ICA1L: variants seen among roughly 807,000 people sequenced by gnomAD.
ICA1L encodes islet cell autoantigen 1-like protein.
A neutral mutation model predicts 61.3 loss-of-function variants in ICA1L; 50 were observed. The observed-to-expected ratio is 0.82, with a 90% confidence interval of 0.65 to 1.03. The LOEUF is 1.03. ICA1L is among the 50% of genes least tolerant of loss of function. ICA1L has a pLI of 0.00. For synonymous variants in ICA1L, 161 were observed against 191.3 expected (o/e 0.84, Z 1.31); for missense variants, 508 against 556.7 (o/e 0.91, Z 0.88).
intron 1 of ICA1L, chr2:202,841,821 G>A (rs1407404637): frequency 9.5e-6 from 3 of 317,312 alleles, no homozygotes; most frequent in Non-Finnish European, 1.8e-5. Flanking sequence ...TGAACCAGAT[G>A]GAGATCCCAG....
At position 202,860,745 on chromosome 2, in the gene ICA1L, G is replaced by T. The variant is rs527728793; in HGVS notation, c.-8+10874C>A. ...GTAGCTTAGGCAAGGGAGAAAGACT[G>T]TGTCTCAAAAAAAAAGAAAAGAAAG... On this transcript the variant is annotated intron_variant, in intron 1 of 12. Coordinates refer to ENST00000358299, the MANE Select transcript of ICA1L (RefSeq NM_001288622.3). 2.0e-5 allele frequency among the ~76,000 whole-genome samples: 3 copies of T among 151,890 alleles called. No homozygotes were observed. The South Asian group carries it at 6.3e-4, about 32-fold the overall frequency.
chr2:202,841,013 C>T (rs753333556), intron 1 of ICA1L: 100 of 668,488 alleles, frequency 1.5e-4, no homozygotes, highest in Non-Finnish European at 2.4e-4. Context: ...TGATGCTGTC[C>T]ATGTCCAGGG....
rs1692231663 is a variant in ICA1L, at chr2:202,776,642, T to C, written c.*2891A>G. On this transcript the variant is annotated 3_prime_UTR_variant, in exon 13 of 13. Transcript: ENST00000358299. ...ATAACTAATCTTGAGAAAATACGAA[T>C]GTGGTTACCTTCATCTTAATATAGT... is the stretch of plus-strand genomic sequence containing the variant. The C allele has an allele frequency of 6.6e-6, 1 of 152,236 alleles. No individual in the cohort carries two copies. The highest frequency in any genetic ancestry group is 1.5e-5 in the Non-Finnish European group (1 of 68,052). 9.4% of individuals were successfully genotyped at this position (152,236 alleles called of 1,614,324 possible).
At chr2:202,861,479 AC>A (rs1694911006) in intron 1 of ICA1L, among the ~76,000 whole-genome samples, 1 of 151,598 alleles carries the variant, frequency 6.6e-6, no homozygotes, top group Non-Finnish European at 1.5e-5. Context: ...GCTCCCAAAT[AC>A]AAGAAAAAAA....
chr2:202,800,796 T>C (rs1240745630), intron 9 of ICA1L, among the ~76,000 whole-genome samples: 1 of 151,596 alleles, frequency 6.6e-6, no homozygotes, highest in Non-Finnish European at 1.5e-5. Flanking sequence ...TAAAAGAATA[T>C]GGGAAAAGTA....
intron 1 of ICA1L, among the ~76,000 whole-genome samples, chr2:202,847,703 A>ATATATG (rs1553537740): frequency 1.5e-5 from 2 of 131,234 alleles, no homozygotes; most frequent in Non-Finnish European, 1.6e-5. Context: ...AATTATATAT[A>ATATATG]TATATAGTTA....
intron 9 of ICA1L, among the ~76,000 whole-genome samples, chr2:202,807,729 A>G (rs1693263788): frequency 6.6e-6 from 1 of 151,900 alleles, no homozygotes; most frequent in Admixed American, 6.6e-5. Flanking sequence ...GCTTGAGGAG[A>G]GGAGAAAGGA....
chr2:202,863,001 GA>G (rs112881860), intron 1 of ICA1L, among the ~76,000 whole-genome samples: 4 of 147,408 alleles, frequency 2.7e-5, no homozygotes, highest in Admixed American at 6.8e-5. Context: ...ACCTACATTA[GA>G]AAAAAAAAGG....
Position 202,785,976 on chromosome 2 carries a change from A to G in ICA1L, c.1275T>C (p.Cys425=). 1 of 1,610,204 alleles carries G rather than the reference A, an allele frequency of 6.2e-7. No individual in the cohort carries two copies. The highest frequency in any genetic ancestry group is 8.5e-7 in the Non-Finnish European group (1 of 1,177,090). ...NWVSQEESEL[C]LSHTDNQPVP... ...CTGGCTGGTTATCAGTGTGTGAAAGACAAAGTTCTGATTCCTCTTGGGAGA... is the reference window on the plus strand; with the variant it reads ...CTGGCTGGTTATCAGTGTGTGAAAGGCAAAGTTCTGATTCCTCTTGGGAGA... The change falls in exon 12 of 13, where the codon TGT becomes TGC. Residue 425 remains cysteine, a synonymous_variant. Transcript: ENST00000358299.
chr2:202,863,824 C>CAA (rs771457963), intron 1 of ICA1L, among the ~76,000 whole-genome samples: 21 of 65,362 alleles, frequency 3.2e-4, no homozygotes, highest in African/African-American at 6.5e-4. Flanking sequence ...GACTCCGTCT[C>CAA]AAAAAAAAAA....
chr2:202,832,217 A>G (rs1411908842), intron 1 of ICA1L, among the ~76,000 whole-genome samples: 1 of 152,194 alleles, frequency 6.6e-6, no homozygotes, highest in Non-Finnish European at 1.5e-5. Flanking sequence ...CAAATGCATC[A>G]TTCAAAATCC....
intron 10 of ICA1L, among the ~76,000 whole-genome samples, chr2:202,794,323 G>A (rs55800724): frequency 1.4e-5 from 2 of 142,264 alleles, no homozygotes; most frequent in African/African-American, 5.3e-5. Context: ...TCCTGCCTGC[G>A]CGACACAGTG....
At position 202,779,362 on chromosome 2, in the gene ICA1L, T is replaced by C; in HGVS notation, c.*171A>G. The C allele has an allele frequency of 2.1e-6, 1 of 480,288 alleles. No homozygotes were observed. 29.8% of individuals were successfully genotyped at this position (480,288 alleles called of 1,614,324 possible). A position where few individuals can be genotyped will look rare whatever the true frequency, so the allele number is the denominator to read the frequency against. ...AGCTGCAAATCCAAGATATGAAAGA[T>C]GTGTACTTATTCAAATGTGGTCTTT... On this transcript the variant is annotated 3_prime_UTR_variant, in exon 13 of 13. Coordinates refer to ENST00000358299, the MANE Select transcript of ICA1L (RefSeq NM_001288622.3).
chr2:202,780,898 A>AAGT (rs1448102950), intron 12 of ICA1L, among the ~76,000 whole-genome samples: 1 of 152,124 alleles, frequency 6.6e-6, no homozygotes, highest in East Asian at 1.9e-4. Flanking sequence ...CTCATCTGTA[A>AAGT]AGTAGTAACC....
intron 10 of ICA1L, among the ~76,000 whole-genome samples, chr2:202,794,745 G>A (rs1574331892): frequency 6.6e-6 from 1 of 151,886 alleles, no homozygotes; most frequent in Non-Finnish European, 1.5e-5. Flanking sequence ...ATTTACAATA[G>A]CAACCAGAAA....
chr2:202,776,490 G>A lies in ICA1L; in HGVS notation c.*3043C>T, dbSNP rs2105809449. On this transcript the variant is annotated 3_prime_UTR_variant, in exon 13 of 13. Transcript: ENST00000358299. ...TCTAGATTGAGACAAAAAGCAACCA[G>A]TCATTCTCTGTTCTGTGCTTATCCC... 1 of 152,328 alleles carries A rather than the reference G, an allele frequency of 6.6e-6. No individual in the cohort carries two copies. Among genetic ancestry groups the A allele is most frequent in the East Asian group, 1.9e-4 (1 of 5,188 alleles). 9.4% of individuals were successfully genotyped at this position (152,328 alleles called of 1,614,324 possible). A position where few individuals can be genotyped will look rare whatever the true frequency, so the allele number is the denominator to read the frequency against.
intron 1 of ICA1L, among the ~76,000 whole-genome samples, chr2:202,859,232 G>A (rs904425577): frequency 6.6e-6 from 1 of 152,008 alleles, no homozygotes; most frequent in Non-Finnish European, 1.5e-5. Context: ...ATAAAGTATC[G>A]GCTTCAACAT....
At chr2:202,797,464 G>A (rs748448588) in intron 9 of ICA1L, among the ~76,000 whole-genome samples, 17 of 152,262 alleles carry the variant, frequency 1.1e-4, no homozygotes, top group Middle Eastern at 3.4e-3. Flanking sequence ...AATACATTGC[G>A]AAATAGCTAA....
rs1692305222 is a variant in ICA1L, at chr2:202,778,767, A to G, written c.*766T>C. On this transcript the variant is annotated 3_prime_UTR_variant, in exon 13 of 13. Coordinates refer to ENST00000358299, the MANE Select transcript of ICA1L (RefSeq NM_001288622.3). Reference sequence around the variant, plus strand: ...TCTGAAGACACTTGTACAAGCCTTAAGTATTACTGTGCATTCTGAGTTTTA... The same window carrying G: ...TCTGAAGACACTTGTACAAGCCTTAGGTATTACTGTGCATTCTGAGTTTTA... 1 of 152,630 alleles carries G rather than the reference A, an allele frequency of 6.6e-6. No individual in the cohort carries two copies. Among genetic ancestry groups the G allele is most frequent in the Non-Finnish European group, 1.5e-5 (1 of 68,044 alleles). 9.5% of individuals were successfully genotyped at this position (152,630 alleles called of 1,614,324 possible).
Sources: allele counts gnomAD v4.1 joint callset (sites outside exome capture counted in the v4.1 genomes callset), GRCh38; gene constraint gnomAD v4.1.1; transcripts MANE v1.5; gene names NCBI Gene and HGNC (gene_info 2026-07-23, HGNC 2026-07-21).